GDAP1: variants seen among roughly 807,000 people sequenced by gnomAD.
GDAP1 encodes ganglioside induced differentiation associated protein 1.
A neutral mutation model predicts 40.1 loss-of-function variants in GDAP1; 34 were observed. The ratio of observed to expected loss-of-function variants is 0.85; its 90% CI spans 0.64 to 1.13. GDAP1 has a LOEUF of 1.13. Ranked by LOEUF, GDAP1 falls within the 50% of genes most tolerant of loss-of-function variation. The pLI is 0.00. For missense variants in GDAP1, 374 were observed against 433.7 expected (o/e 0.86, Z 1.22); for synonymous variants, 170 against 157.4 (o/e 1.08, Z -0.60).
At chr8:74,356,102 GA>G (rs1809080747) in intron 2 of GDAP1, among the ~76,000 whole-genome samples, 1 of 152,088 alleles carries the variant, frequency 6.6e-6, no homozygotes, top group South Asian at 2.1e-4. Flanking sequence ...GTATATAGTT[GA>G]ATATAGGCCT....
intron 2 of GDAP1, among the ~76,000 whole-genome samples, chr8:74,458,443 T>A (rs144457979): frequency 5.3e-5 from 8 of 152,292 alleles, no homozygotes; most frequent in Non-Finnish European, 1.2e-4. Flanking sequence ...TGGATACACT[T>A]CTTCAGTAGT....
chr8:74,361,428 C>T (rs1417000788), intron 3 of GDAP1, among the ~76,000 whole-genome samples: 1 of 151,176 alleles, frequency 6.6e-6, no homozygotes, highest in Non-Finnish European at 1.5e-5. Flanking sequence ...GATGGAGTCT[C>T]GCTCTGTTTC....
intron 2 of GDAP1, among the ~76,000 whole-genome samples, chr8:74,352,240 A>G (rs544455479): frequency 5.3e-5 from 8 of 152,336 alleles, no homozygotes; most frequent in African/African-American, 1.9e-4. Flanking sequence ...GTTCCTAATA[A>G]TAATCCTTTG....
chr8:74,350,864 G>C (rs887233422), intron 1 of GDAP1, among the ~76,000 whole-genome samples: 1 of 152,110 alleles, frequency 6.6e-6, no homozygotes, highest in African/African-American at 2.4e-5. Flanking sequence ...GCTGGTCTTC[G>C]GAGAGAGGCA....
At chr8:74,420,049 A>AT (rs1805836110) in intron 2 of GDAP1, among the ~76,000 whole-genome samples, 1 of 152,176 alleles carries the variant, frequency 6.6e-6, no homozygotes, top group South Asian at 2.1e-4. Flanking sequence ...CACTGTTTTA[A>AT]TTACTGTAGT....
intron 2 of GDAP1, among the ~76,000 whole-genome samples, chr8:74,445,190 C>G (rs1190361239): frequency 6.6e-6 from 1 of 152,114 alleles, no homozygotes; most frequent in African/African-American, 2.4e-5. Context: ...GGAAAGATAT[C>G]TGTATCATGC....
chr8:74,428,248 C>T (rs67161292), intron 2 of GDAP1, among the ~76,000 whole-genome samples: 3 of 40,932 alleles, frequency 7.3e-5, no homozygotes, highest in Non-Finnish European at 1.3e-4. Flanking sequence ...ACAACAACAA[C>T]AACAATAACA....
chr8:74,439,595 GT>G (rs201306358), intron 2 of GDAP1, among the ~76,000 whole-genome samples: 8 of 147,838 alleles, frequency 5.4e-5, no homozygotes, highest in Admixed American at 1.3e-4. Context: ...GCCAATAGGT[GT>G]TTTTTTTTGT....
At chr8:74,470,718 A>G (rs893681331) in intron 2 of GDAP1, among the ~76,000 whole-genome samples, 14 of 152,294 alleles carry the variant, frequency 9.2e-5, no homozygotes, top group African/African-American at 2.6e-4. Context: ...AAACATAGGT[A>G]TGCATGTGTC....
intron 2 of GDAP1, among the ~76,000 whole-genome samples, chr8:74,402,466 C>G (rs1415230340): frequency 6.7e-6 from 1 of 150,274 alleles, no homozygotes; most frequent in African/African-American, 2.5e-5. Context: ...TCACCCCTTT[C>G]TTTGACTAGG....
chr8:74,351,696 T>C lies in GDAP1; in HGVS notation c.310+230T>C, dbSNP rs117745861. On this transcript the variant is annotated intron_variant, in intron 2 of 5. Coordinates refer to ENST00000220822, the MANE Select transcript of GDAP1 (RefSeq NM_018972.4). ...AATAATTTAATGCAAAATACAAATG[T>C]TAATGTTGAAACTTAAAAAAATTCA... 5.6e-3 allele frequency among the ~76,000 whole-genome samples: 830 copies of C among 148,158 alleles called. 3 individuals are homozygous for C. The highest frequency in any genetic ancestry group is 0.014 in the Middle Eastern group (4 of 290).
intron 2 of GDAP1, among the ~76,000 whole-genome samples, chr8:74,458,893 T>C (rs905470301): frequency 6.6e-6 from 1 of 151,770 alleles, no homozygotes; most frequent in African/African-American, 2.4e-5. Context: ...CCACAGAAGA[T>C]AGAAAAGAGG....
chr8:74,419,822 C>A (rs1024205580), intron 2 of GDAP1, among the ~76,000 whole-genome samples: 19 of 152,102 alleles, frequency 1.2e-4, no homozygotes, highest in Admixed American at 5.9e-4. Flanking sequence ...CTATTTTCAG[C>A]TAATTTTTAT....
intron 2 of GDAP1, among the ~76,000 whole-genome samples, chr8:74,482,438 T>G (rs1412057903): frequency 1.3e-5 from 2 of 152,176 alleles, no homozygotes; most frequent in East Asian, 3.8e-4. Flanking sequence ...GTATTCCAGA[T>G]TTTCTGTCTA....
chr8:74,404,551 A>G (rs1236104279), intron 2 of GDAP1, among the ~76,000 whole-genome samples: 3 of 149,948 alleles, frequency 2.0e-5, no homozygotes, highest in Non-Finnish European at 2.9e-5. Flanking sequence ...CTAAGGTCAC[A>G]TGGCTACTCG....
chr8:74,402,550 C>T (rs976987319), intron 2 of GDAP1, among the ~76,000 whole-genome samples: 2 of 150,164 alleles, frequency 1.3e-5, no homozygotes, highest in Non-Finnish European at 2.9e-5. Context: ...GCGCATGGTG[C>T]GCTGCACCCA....
Position 74,365,038 on chromosome 8 carries a change from G to T in GDAP1, c.*671G>T, listed in dbSNP as rs1161477175. On this transcript the variant is annotated 3_prime_UTR_variant, in exon 6 of 6. Coordinates refer to ENST00000220822, the MANE Select transcript of GDAP1 (RefSeq NM_018972.4). ...TTCCTTACTGTTTTAGATGGTGCCT[G>T]TGAGATACCATTCCTCTGGATGGTC... is the stretch of plus-strand genomic sequence containing the variant. 2.2e-6 allele frequency: 1 copy of T among 454,092 alleles called. No homozygotes were observed. The allele number at this position is 454,092 out of a possible 1,614,324, so 28.1% of individuals were successfully genotyped here. A position where few individuals can be genotyped will look rare whatever the true frequency, so the allele number is the denominator to read the frequency against.
At chr8:74,470,398 C>G (rs1045586389) in intron 2 of GDAP1, among the ~76,000 whole-genome samples, 14 of 152,070 alleles carry the variant, frequency 9.2e-5, no homozygotes, top group Non-Finnish European at 4.4e-5. Flanking sequence ...TGCTCTCCCT[C>G]CCCTCTACCC....
intron 2 of GDAP1, among the ~76,000 whole-genome samples, chr8:74,437,183 A>C (rs999064377): frequency 1.3e-5 from 2 of 152,180 alleles, no homozygotes; most frequent in African/African-American, 4.8e-5. Context: ...TCATACTTTT[A>C]TTGCTACAAA....
Sources: allele counts gnomAD v4.1 joint callset (sites outside exome capture counted in the v4.1 genomes callset), GRCh38; gene constraint gnomAD v4.1.1; transcripts MANE v1.5; gene names NCBI Gene and HGNC (gene_info 2026-07-23, HGNC 2026-07-21).